The following DLGAP2 variants were observed in gnomAD, a reference collection of about 807,000 sequenced individuals.
DLGAP2 encodes the protein disks large-associated protein 2.
In DLGAP2, 26 loss-of-function variants were observed where a neutral mutation model predicts 100.3. That is an observed-to-expected ratio of 0.26 (90% CI 0.19 to 0.36). The LOEUF is 0.36. Among genes scored for constraint, DLGAP2 ranks in the 10% least tolerant of loss-of-function variants. DLGAP2 has a pLI of 1.00. For synonymous variants in DLGAP2, 886 were observed against 630.1 expected, an observed-to-expected ratio of 1.41 and a Z score of -6.08; for missense variants, 1,858 against 1,453.2, an observed-to-expected ratio of 1.28 and a Z score of -4.53.
intron 3 of DLGAP2, among the ~76,000 whole-genome samples, chr8:1,497,324 C>T (rs1023616544): frequency 1.3e-5 from 2 of 152,188 alleles, no homozygotes; most frequent in Admixed American, 6.5e-5. Context: ...TCCAGCCTCT[C>T]CCTGGGAGGT....
Position 1,164,214 on chromosome 8 carries a change from G to C in DLGAP2, c.74-94637G>C, listed in dbSNP as rs11777940. On this transcript the variant is annotated intron_variant, in intron 2 of 14. Coordinates refer to ENST00000637795, the MANE Select transcript of DLGAP2 (RefSeq NM_001346810.2). Reference sequence around the variant, plus strand: ...ATTTTTCTGTGAGCCCCCAGGGCCCGTCATTTTGGTTTGTGGGGACAGATT... The same window carrying C: ...ATTTTTCTGTGAGCCCCCAGGGCCCCTCATTTTGGTTTGTGGGGACAGATT... Among the ~76,000 whole-genome samples, 126 of 87,152 alleles carry C rather than the reference G, an allele frequency of 1.4e-3. 1 individual carries two copies. Among genetic ancestry groups the C allele is most frequent in the African/African-American group, 1.9e-3 (41 of 21,166 alleles). 57.2% of individuals were successfully genotyped at this position (87,152 alleles called of 152,430 possible).
At chr8:1,658,822 C>CT (rs1381153455) in intron 8 of DLGAP2, among the ~76,000 whole-genome samples, 1 of 152,098 alleles carries the variant, frequency 6.6e-6, no homozygotes, top group Non-Finnish European at 1.5e-5. Context: ...TTTTGTGTCT[C>CT]TATCTCCTTC....
intron 1 of DLGAP2, among the ~76,000 whole-genome samples, chr8:826,951 G>A (rs938518920): frequency 6.6e-6 from 1 of 152,232 alleles, no homozygotes; most frequent in Non-Finnish European, 1.5e-5. Context: ...TAGAGGAGGT[G>A]TTTCAGAACT....
intron 3 of DLGAP2, among the ~76,000 whole-genome samples, chr8:1,288,059 T>TG (rs1799980814): frequency 7.2e-6 from 1 of 139,162 alleles, no homozygotes; most frequent in East Asian, 2.2e-4. Context: ...TGTATGGTTC[T>TG]GTTAGGAGGG....
chr8:786,387 G>T lies in DLGAP2; in HGVS notation c.18+48562G>T, dbSNP rs563588364. 1.8e-4 allele frequency among the ~76,000 whole-genome samples: 27 copies of T among 152,296 alleles called. 1 individual carries two copies. In the South Asian group the frequency reaches 3.1e-3, roughly 18 times the overall value. On this transcript the variant is annotated intron_variant, in intron 1 of 14. Coordinates refer to ENST00000637795, the MANE Select transcript of DLGAP2 (RefSeq NM_001346810.2). The stretch of plus-strand genomic sequence containing the variant: ...GCTTCTCATGCCTGCATCTTCCGGG[G>T]ACAGCCACCATTTTCGTCGATTCTC...
intron 2 of DLGAP2, among the ~76,000 whole-genome samples, chr8:1,255,320 T>A: frequency 1.1e-5 from 1 of 89,224 alleles, no homozygotes; most frequent in East Asian, 4.4e-4. Context: ...CCTGCCCGGG[T>A]GCTGTGTGTG....
chr8:942,234 C>T (rs1454599983), intron 2 of DLGAP2, among the ~76,000 whole-genome samples: 2 of 152,188 alleles, frequency 1.3e-5, no homozygotes, highest in African/African-American at 4.8e-5. Context: ...CAGGCAGGAG[C>T]CAATGGGCCC....
intron 2 of DLGAP2, among the ~76,000 whole-genome samples, chr8:1,177,275 T>G (rs1227740449): frequency 6.6e-6 from 1 of 152,124 alleles, no homozygotes; most frequent in African/African-American, 2.4e-5. Context: ...ATTGCCCATA[T>G]TTATTTATCT....
At chr8:904,408 G>A (rs1798331733) in intron 1 of DLGAP2, among the ~76,000 whole-genome samples, 2 of 152,120 alleles carry the variant, frequency 1.3e-5, no homozygotes, top group South Asian at 4.1e-4. Flanking sequence ...TAATCCCAGT[G>A]ACTAGGGAGG....
chr8:1,670,032 C>T (rs948657213), intron 10 of DLGAP2, among the ~76,000 whole-genome samples: 9 of 152,010 alleles, frequency 5.9e-5, no homozygotes, highest in Non-Finnish European at 1.2e-4. Context: ...TGCCATCGCC[C>T]GTCTCCGTCT....
intron 3 of DLGAP2, among the ~76,000 whole-genome samples, chr8:1,342,915 G>A (rs1386586404): frequency 5.3e-5 from 8 of 151,988 alleles, no homozygotes; most frequent in Admixed American, 5.2e-4. Context: ...CGTGAGACCA[G>A]GTGCCAGGCA....
chr8:1,344,280 C>T (rs1439870962), intron 3 of DLGAP2, among the ~76,000 whole-genome samples: 1 of 149,614 alleles, frequency 6.7e-6, no homozygotes, highest in Admixed American at 6.6e-5. Context: ...CGTGCCCAGG[C>T]ATTGTGGGTG....
At chr8:1,339,713 C>G (rs1282837659) in intron 3 of DLGAP2, among the ~76,000 whole-genome samples, 1 of 152,192 alleles carries the variant, frequency 6.6e-6, no homozygotes, top group Non-Finnish European at 1.5e-5. Flanking sequence ...GAGGCGAAGT[C>G]TCACCCGGGC....
chr8:1,199,500 G>A (rs1292474816), intron 2 of DLGAP2, among the ~76,000 whole-genome samples: 6 of 152,194 alleles, frequency 3.9e-5, no homozygotes, highest in South Asian at 2.1e-4. Flanking sequence ...GTCCAGTGAA[G>A]GCTGCCTGTG....
At chr8:1,426,816 G>T (rs527989187) in intron 3 of DLGAP2, among the ~76,000 whole-genome samples, 3 of 151,900 alleles carry the variant, frequency 2.0e-5, no homozygotes, top group Non-Finnish European at 4.4e-5. Flanking sequence ...TAAATTAGTC[G>T]TAAAAAAAAA....
At position 1,205,812 on chromosome 8, in the gene DLGAP2, G is replaced by T. The variant is rs376833517; in HGVS notation, c.74-53039G>T. Reference sequence around the variant, plus strand: ...TGGAGTCCTAGGAGGACTTCAGTCCGCCTGAGTGAGAATACATCAAATCTG... The same window carrying T: ...TGGAGTCCTAGGAGGACTTCAGTCCTCCTGAGTGAGAATACATCAAATCTG... On this transcript the variant is annotated intron_variant, in intron 2 of 14. Coordinates refer to ENST00000637795, the MANE Select transcript of DLGAP2 (RefSeq NM_001346810.2). 7.3e-4 allele frequency among the ~76,000 whole-genome samples: 111 copies of T among 152,246 alleles called. 1 individual carries two copies. Among genetic ancestry groups the T allele is most frequent in the African/African-American group, 2.7e-3 (111 of 41,564 alleles).
chr8:1,531,619 T>C (rs765540502), intron 4 of DLGAP2, among the ~76,000 whole-genome samples: 7 of 152,194 alleles, frequency 4.6e-5, no homozygotes, highest in Non-Finnish European at 1.0e-4. Flanking sequence ...CAAAATAAAG[T>C]AGATATATTA....
At chr8:1,380,604 C>T (rs1480475149) in intron 3 of DLGAP2, among the ~76,000 whole-genome samples, 2 of 152,158 alleles carry the variant, frequency 1.3e-5, no homozygotes, top group African/African-American at 4.8e-5. Flanking sequence ...GAAGGATCAG[C>T]ATGAACACCC....
intron 6 of DLGAP2, among the ~76,000 whole-genome samples, chr8:1,588,941 C>T (rs537017707): frequency 2.6e-5 from 4 of 152,112 alleles, no homozygotes; most frequent in South Asian, 4.2e-4. Context: ...GGGAAATCTG[C>T]CTTACTCAAA....
Sources: gnomAD v4.1 joint callset for allele counts (sites outside exome capture counted in the v4.1 genomes callset) on GRCh38, gnomAD v4.1.1 for gene constraint, MANE v1.5 for transcripts, NCBI Gene and HGNC (gene_info 2026-07-23, HGNC 2026-07-21) for gene names.